Variants in ZBTB20 observed in about 807,000 individuals in gnomAD.
The protein encoded by ZBTB20 is zinc finger and BTB domain-containing protein 20.
In ZBTB20, 9 loss-of-function variants were observed where a neutral mutation model predicts 56.9. The observed-to-expected ratio is 0.16, with a 90% CI of 0.10 to 0.28. The LOEUF (loss-of-function observed/expected upper bound fraction) is 0.28. Among genes scored for constraint, ZBTB20 ranks in the 10% least tolerant of loss-of-function variants. The probability of loss-of-function intolerance (pLI) is 1.00; values close to 1 mark genes in which losing one functional copy is unlikely to be tolerated. For missense variants in ZBTB20, 655 were observed against 1,003.0 expected (o/e 0.65, Z 4.69); for synonymous variants, 417 against 420.7 (o/e 0.99, Z 0.11).
At chr3:114,689,329 C>T (rs1325979839) in intron 6 of ZBTB20, among the ~76,000 whole-genome samples, 2 of 152,110 alleles carry the variant, frequency 1.3e-5, no homozygotes, top group African/African-American at 4.8e-5. Context: ...GCTTTTGTGA[C>T]ATGTATTGGT....
At chr3:114,961,310 A>T (rs1310069088) in intron 3 of ZBTB20, among the ~76,000 whole-genome samples, 2 of 152,072 alleles carry the variant, frequency 1.3e-5, no homozygotes, top group Non-Finnish European at 2.9e-5. Context: ...AATAAAAGGC[A>T]TCTGGTTTGC....
At chr3:114,558,669 C>T (rs963533573) in intron 6 of ZBTB20, among the ~76,000 whole-genome samples, 1 of 152,114 alleles carries the variant, frequency 6.6e-6, no homozygotes, top group African/African-American at 2.4e-5. Context: ...ATTCTCTACA[C>T]AGAAACTGTA....
rs138904368 is a variant in ZBTB20 at position 114,677,395 on chromosome 3, G to A, written c.-295+16133C>T. On this transcript the variant is annotated intron_variant, in intron 6 of 11. Coordinates refer to ENST00000675478, the MANE Select transcript of ZBTB20 (RefSeq NM_001348800.3). The stretch of plus-strand genomic sequence containing the variant: ...GAGGAGATGAACAGTGGACAAGCAA[G>A]CATTACTGCCTGAGCTCTGCCTACT... Among the ~76,000 whole-genome samples the A allele has an allele frequency of 3.7e-3, 569 of 152,304 alleles. 2 individuals are homozygous for A. The highest frequency in any genetic ancestry group is 6.1e-3 in the Non-Finnish European group (414 of 68,020).
At chr3:114,575,471 A>G (rs1323454697) in intron 6 of ZBTB20, among the ~76,000 whole-genome samples, 1 of 152,086 alleles carries the variant, frequency 6.6e-6, no homozygotes, top group African/African-American at 2.4e-5. Flanking sequence ...ATCCTAGCAT[A>G]TTGCAGATTT....
At chr3:114,635,996 C>T (rs2059246848) in intron 6 of ZBTB20, among the ~76,000 whole-genome samples, 1 of 152,044 alleles carries the variant, frequency 6.6e-6, no homozygotes, top group Non-Finnish European at 1.5e-5. Context: ...ATCCAATTGT[C>T]AAAAGTCAAA....
chr3:114,551,427 C>A (rs1310954637), intron 6 of ZBTB20, among the ~76,000 whole-genome samples: 1 of 152,058 alleles, frequency 6.6e-6, no homozygotes, highest in Non-Finnish European at 1.5e-5. Context: ...AAGAAGTGCA[C>A]AAAAATTTAT....
intron 2 of ZBTB20, among the ~76,000 whole-genome samples, chr3:115,058,857 T>C (rs2081912552): frequency 6.6e-6 from 1 of 152,236 alleles, no homozygotes; most frequent in Non-Finnish European, 1.5e-5. Context: ...TTTGTGTGTC[T>C]GTTTCAATCT....
rs768357451 is a variant in ZBTB20, at chr3:114,331,348, T to C, written c.*7657A>G. On this transcript the variant is annotated 3_prime_UTR_variant, in exon 12 of 12. Transcript: ENST00000675478. The stretch of plus-strand genomic sequence containing the variant: ...CCTTATTATGGAGGAAAACAGCCTG[T>C]CCCTGTGGGTTTGCTGTGGATTCAA... 1 of 152,242 alleles carries C rather than the reference T, an allele frequency of 6.6e-6. No homozygotes were observed. Among genetic ancestry groups the C allele is most frequent in the Non-Finnish European group, 1.5e-5 (1 of 68,056 alleles). The allele number at this position is 152,242 out of a possible 1,614,324, so 9.4% of individuals were successfully genotyped here.
chr3:114,495,027 C>T lies in ZBTB20; in HGVS notation c.-255+5325G>A, dbSNP rs2043127493. Among the ~76,000 whole-genome samples the T allele has an allele frequency of 2.0e-5, 3 of 152,186 alleles. 1 individual carries two copies. The South Asian group carries it at 6.2e-4, about 32-fold the overall frequency. ...CTGAATCAGTTTTACATGAAACTTT[C>T]TAGCCTGCAAGGCTCTTTCATGAAT... is the stretch of plus-strand genomic sequence containing the variant. On this transcript the variant is annotated intron_variant, in intron 7 of 11. Coordinates refer to ENST00000675478, the MANE Select transcript of ZBTB20 (RefSeq NM_001348800.3).
intron 2 of ZBTB20, among the ~76,000 whole-genome samples, chr3:115,017,009 C>CAT (rs1171001177): frequency 6.6e-6 from 1 of 151,540 alleles, no homozygotes; most frequent in Non-Finnish European, 1.5e-5. Flanking sequence ...TCCTACTCAA[C>CAT]ATAGTATTGG....
intron 2 of ZBTB20, among the ~76,000 whole-genome samples, chr3:115,031,572 A>T (rs2108347968): frequency 6.6e-6 from 1 of 151,618 alleles, no homozygotes; most frequent in Admixed American, 6.6e-5. Context: ...TAATGCCAAA[A>T]AGGAAAGTCA....
intron 2 of ZBTB20, among the ~76,000 whole-genome samples, chr3:115,028,423 T>C (rs1351946153): frequency 6.6e-6 from 1 of 150,758 alleles, no homozygotes; most frequent in Non-Finnish European, 1.5e-5. Flanking sequence ...ATTTTCATAT[T>C]ACATATTAAA....
chr3:115,097,433 C>T lies in ZBTB20; in HGVS notation c.-702-26019G>A, dbSNP rs555317445. Among the ~76,000 whole-genome samples the T allele has an allele frequency of 3.3e-5, 5 of 152,108 alleles. No individual in the cohort carries two copies. In the South Asian group the frequency reaches 8.3e-4, roughly 25 times the overall value. On this transcript the variant is annotated intron_variant, in intron 1 of 11. Coordinates refer to ENST00000675478, the MANE Select transcript of ZBTB20 (RefSeq NM_001348800.3). ...TCCCGACCTCGTGATCTGCCCGCCT[C>T]GGCCTCCCAAAGTGCCCTATTTTTT...
At chr3:115,120,740 T>G (rs1421340398) in intron 1 of ZBTB20, among the ~76,000 whole-genome samples, 3 of 152,074 alleles carry the variant, frequency 2.0e-5, no homozygotes, top group Non-Finnish European at 4.4e-5. Flanking sequence ...AAGCTGGAAC[T>G]AGAAACTCAT....
At chr3:114,866,984 T>C (rs764145145) in intron 4 of ZBTB20, among the ~76,000 whole-genome samples, 13 of 152,188 alleles carry the variant, frequency 8.5e-5, no homozygotes, top group African/African-American at 2.4e-5. Flanking sequence ...TCCAATTCTC[T>C]GGAAACATAG....
At chr3:115,034,259 G>A (rs1382971559) in intron 2 of ZBTB20, among the ~76,000 whole-genome samples, 4 of 151,160 alleles carry the variant, frequency 2.6e-5, no homozygotes, top group African/African-American at 4.8e-5. Flanking sequence ...GAAATGAAAG[G>A]CACCCAAATC....
chr3:114,412,780 ACTT>A (rs1252491314), intron 7 of ZBTB20, among the ~76,000 whole-genome samples: 5 of 152,074 alleles, frequency 3.3e-5, no homozygotes, highest in Non-Finnish European at 5.9e-5. Context: ...ATCGCCTTCT[ACTT>A]CTTCTTTAGG....
At chr3:114,814,029 TAC>T (rs1189471419) in intron 4 of ZBTB20, among the ~76,000 whole-genome samples, 9 of 151,858 alleles carry the variant, frequency 5.9e-5, no homozygotes, top group Admixed American at 4.6e-4. Flanking sequence ...TACATTATAA[TAC>T]AGTGATCCCT....
intron 7 of ZBTB20, among the ~76,000 whole-genome samples, chr3:114,477,928 TGTCTC>T (rs1156289846): frequency 1.3e-4 from 10 of 74,924 alleles, no homozygotes; most frequent in Admixed American, 8.4e-4. Flanking sequence ...TTTCTTTCTC[TGTCTC>T]TCTCTCTCTC....
Sources: allele counts gnomAD v4.1 joint callset (sites outside exome capture counted in the v4.1 genomes callset), GRCh38; gene constraint gnomAD v4.1.1; transcripts MANE v1.5; gene names NCBI Gene and HGNC (gene_info 2026-07-23, HGNC 2026-07-21).